The following MTMR10 variants were observed in gnomAD, a reference collection of about 807,000 sequenced individuals.
MTMR10 encodes the protein myotubularin related protein 10, also known as myotubularin-related protein 10.
MTMR10 carries 56 observed loss-of-function variants against 88.1 expected under a neutral mutation model. That is an observed-to-expected ratio of 0.64 (90% confidence interval 0.51 to 0.79). The LOEUF (loss-of-function observed/expected upper bound fraction) is 0.79. MTMR10 is among the 30% of genes least tolerant of loss of function. The pLI is 0.00. For synonymous variants in MTMR10, 380 were observed against 340.9 expected (o/e 1.11, Z -1.26); for missense variants, 883 against 924.7 (o/e 0.95, Z 0.58).
rs1249543718 is a variant in MTMR10, at chr15:30,939,140, A to G, written c.*2330T>C. 1.0e-6 allele frequency: 1 copy of G among 985,224 alleles called. No individual in the cohort carries two copies. The highest frequency in any genetic ancestry group is 1.2e-6 in the Non-Finnish European group (1 of 829,832). 61.0% of individuals were successfully genotyped at this position (985,224 alleles called of 1,614,324 possible). On this transcript the variant is annotated 3_prime_UTR_variant, in exon 16 of 16. Coordinates refer to ENST00000435680, the MANE Select transcript of MTMR10 (RefSeq NM_017762.3). Reference sequence around the variant, plus strand: ...TGCAGCAAGCAGATTTTGTTGACAAATGTGAACAGCTTTCACCCTCTGTTA... The same window carrying G: ...TGCAGCAAGCAGATTTTGTTGACAAGTGTGAACAGCTTTCACCCTCTGTTA...
intron 2 of MTMR10, among the ~76,000 whole-genome samples, chr15:30,978,908 T>TAC (rs386382587): frequency 6.6e-6 from 1 of 151,880 alleles, no homozygotes; most frequent in Non-Finnish European, 1.5e-5. Context: ...AATATATATA[T>TAC]ATATAGACGC....
chr15:30,947,167 AG>A lies in MTMR10; in HGVS notation c.1510del (p.Leu504CysfsTer9). On this transcript the variant is annotated frameshift_variant, in exon 14 of 16. Transcript: ENST00000435680. LOFTEE classifies it high-confidence loss of function. ...STRISLFGTFLFNSPHQRVKQ... is the reference protein window; with the variant it reads ...STRISLFGTFXFNSPHQRVKQ... The stretch of plus-strand genomic sequence containing the variant: ...CACTCGCTGGTGAGGGGAGTTGAAC[AG>A]GAAGGTGCCAAACAGTGAGATCCGG... The A allele has an allele frequency of 6.2e-7, 1 of 1,613,418 alleles. No individual in the cohort carries two copies. Among genetic ancestry groups the A allele is most frequent in the Non-Finnish European group, 8.5e-7 (1 of 1,179,736 alleles).
chr15:30,953,655 C>T lies in MTMR10; in HGVS notation c.1067-24G>A, dbSNP rs374343433. ...CTCTGTAATAAATTATATACATACA[C>T]ATTTTTACTTTTTATTTTATACGAT... On this transcript the variant is annotated intron_variant, in intron 10 of 15. Transcript: ENST00000435680. 15 of 1,435,382 alleles carry T rather than the reference C, an allele frequency of 1.0e-5. No homozygotes were observed. The African/African-American group carries it at 1.7e-4, about 16-fold the overall frequency. The allele number at this position is 1,435,382 out of a possible 1,614,324, so 88.9% of individuals were successfully genotyped here. A position where few individuals can be genotyped will look rare whatever the true frequency, so the allele number is the denominator to read the frequency against.
At chr15:30,923,216 G>GA in the MTMR10 span, among the ~76,000 whole-genome samples, 2 of 152,198 alleles carry the variant, frequency 1.3e-5, no homozygotes, top group African/African-American at 4.8e-5. Context: ...ACGTATCAGG[G>GA]AAAGAGCCAG....
At chr15:30,929,866 T>TCATATATA in the MTMR10 span, among the ~76,000 whole-genome samples, 1 of 92,632 alleles carries the variant, frequency 1.1e-5, no homozygotes, top group African/African-American at 4.7e-5. Flanking sequence ...ATATATAATA[T>TCATATATA]ATATAAAATA....
chr15:30,946,984 A>AT, intron 14 of MTMR10, 146 bp downstream of exon 14: 1 of 1,091,540 alleles, frequency 9.2e-7, no homozygotes, highest in Non-Finnish European at 1.3e-6. Context: ...TGTCTTCAAA[A>AT]TAATCCATTC....
chr15:30,974,299 C>T lies in MTMR10; in HGVS notation c.474+15G>A, dbSNP rs368379287. ...AGTACAGAACCCAGAACTTGATAAA[C>T]CTTAACAGTATTACCTTTTTAGCAC... On this transcript the variant is annotated intron_variant, in intron 5 of 15. Transcript: ENST00000435680. 8.2e-6 allele frequency: 13 copies of T among 1,578,250 alleles called. 1 individual carries two copies. The highest frequency in any genetic ancestry group is 1.7e-4 in the Middle Eastern group (1 of 5,912).
At chr15:30,943,211 T>C in intron 14 of MTMR10, 139 bp from the exon 15 acceptor site, 1 of 1,406,450 alleles carries the variant, frequency 7.1e-7, no homozygotes, top group Non-Finnish European at 9.2e-7. Context: ...GCACTTTCAC[T>C]TCAAGAGAGG....
intron 12 of MTMR10, 93 bp from the exon 13 acceptor site, chr15:30,948,564 C>T: frequency 7.8e-7 from 1 of 1,279,302 alleles, no homozygotes; most frequent in South Asian, 1.4e-5. Flanking sequence ...TAGTATTCTG[C>T]ACACCTAGGC....
At chr15:30,949,622 T>C (rs1199737835) in intron 12 of MTMR10, 1 of 152,052 alleles carries the variant, frequency 6.6e-6, no homozygotes, top group Non-Finnish European at 1.5e-5. Context: ...ACAAAATAAA[T>C]ATAAGACTTA....
At chr15:30,933,841 G>T in the MTMR10 span, among the ~76,000 whole-genome samples, 1 of 151,822 alleles carries the variant, frequency 6.6e-6, no homozygotes, top group African/African-American at 2.4e-5. Flanking sequence ...GATCGCTGCA[G>T]CCTTGATCTC....
the MTMR10 span, among the ~76,000 whole-genome samples, chr15:30,918,890 G>C: frequency 2.6e-5 from 4 of 152,036 alleles, no homozygotes; most frequent in Non-Finnish European, 5.9e-5. Flanking sequence ...ATGATGCAGG[G>C]GTTGGGGTAC....
At chr15:30,973,014 A>G (rs1158999723) in intron 5 of MTMR10, among the ~76,000 whole-genome samples, 1 of 152,298 alleles carries the variant, frequency 6.6e-6, no homozygotes, top group Admixed American at 6.5e-5. Flanking sequence ...GGTTTTCATA[A>G]GCAGGTCTTT....
intron 10 of MTMR10, among the ~76,000 whole-genome samples, chr15:30,953,902 G>C (rs1451053693): frequency 6.6e-6 from 1 of 152,176 alleles, no homozygotes; most frequent in Middle Eastern, 3.2e-3. Context: ...CAACAGCTAA[G>C]AATTCCAGCC....
In MTMR10 at chr15:30,941,386, A is replaced by C. The variant is rs1042836902; in HGVS notation, c.*84T>G. On this transcript the variant is annotated 3_prime_UTR_variant, in exon 16 of 16. Transcript: ENST00000435680. ...TTATTCTTACATATAAAGTTATTAG[A>C]GATTCAAACGCCTAGGTTAGCAATG... 7.8e-6 allele frequency: 12 copies of C among 1,539,624 alleles called. No individual in the cohort carries two copies. The highest frequency in any genetic ancestry group is 1.7e-4 in the Middle Eastern group (1 of 5,840).
At position 30,940,711 on chromosome 15, in the gene MTMR10, G is replaced by A; in HGVS notation, c.*759C>T. 1.0e-6 allele frequency: 1 copy of A among 988,656 alleles called. No individual in the cohort carries two copies. The highest frequency in any genetic ancestry group is 1.2e-6 in the Non-Finnish European group (1 of 832,216). 61.2% of individuals were successfully genotyped at this position (988,656 alleles called of 1,614,324 possible). ...CAAGACTCTGGGGACTCCTGGCTAT[G>A]AAGCTTAGTATGAAAAGCCTATTTC... On this transcript the variant is annotated 3_prime_UTR_variant, in exon 16 of 16. Coordinates refer to ENST00000435680, the MANE Select transcript of MTMR10 (RefSeq NM_017762.3).
At chr15:30,976,982 G>C (rs771142473) in intron 2 of MTMR10, 27 bp from the exon 3 acceptor site, 1 of 1,604,600 alleles carries the variant, frequency 6.2e-7, no homozygotes, top group East Asian at 2.2e-5. Context: ...ATATTTGTAA[G>C]GTACTTTGTC....
chr15:30,946,796 G>A (rs766936864), intron 14 of MTMR10: 2 of 699,054 alleles, frequency 2.9e-6, no homozygotes, highest in South Asian at 3.0e-5. Context: ...AATAAATGTC[G>A]TGTAACAGGG....
In MTMR10 at chr15:30,990,787, G is replaced by A; in HGVS notation, c.111C>T (p.Val37=). Residue 37 remains valine, a synonymous_variant, in exon 2 of 16, where the codon GTC becomes GTT. Coordinates refer to ENST00000435680, the MANE Select transcript of MTMR10 (RefSeq NM_017762.3). ...CTAACTAATGTTTACCTGGCAAAAG[G>A]ACTGGCTCCAGTTTTTTAATCTTCG... ...SEPKIKKLEP[V]LLPGEIVVNE... 2 of 1,609,798 alleles carry A rather than the reference G, an allele frequency of 1.2e-6. No homozygotes were observed. The highest frequency in any genetic ancestry group is 1.7e-6 in the Non-Finnish European group (2 of 1,177,938).
Sources: gnomAD v4.1 joint callset for allele counts (sites outside exome capture counted in the v4.1 genomes callset) on GRCh38, gnomAD v4.1.1 for gene constraint, MANE v1.5 for transcripts, NCBI Gene and HGNC (gene_info 2026-07-23, HGNC 2026-07-21) for gene names.